The following LOXHD1 variants were observed in gnomAD, a reference collection of about 807,000 sequenced individuals.
The protein encoded by LOXHD1 is lipoxygenase homology PLAT domains 1, also known as lipoxygenase homology domain-containing protein 1.
A neutral mutation model predicts 248.2 loss-of-function variants in LOXHD1; 205 were observed. The ratio of observed to expected loss-of-function variants is 0.83; its 90% CI spans 0.74 to 0.93. The LOEUF (loss-of-function observed/expected upper bound fraction) is 0.93, where lower values mean the gene tolerates loss of function less well. Among genes scored for constraint, LOXHD1 ranks in the 40% least tolerant of loss-of-function variants. LOXHD1 has a pLI of 0.00. For synonymous variants in LOXHD1, 1,113 were observed against 1,162.8 expected (o/e 0.96, Z 0.87); for missense variants, 2,930 against 2,971.6 (o/e 0.99, Z 0.33).
In LOXHD1 at chr18:46,507,536, AC is replaced by A. The variant is rs1775139509; in HGVS notation, c.5692+1del. The A allele has an allele frequency of 6.4e-7, 1 of 1,551,550 alleles. No homozygotes were observed. On this transcript the variant is annotated splice_donor_variant, in intron 36 of 40. Coordinates refer to ENST00000642948, the MANE Select transcript of LOXHD1 (RefSeq NM_001384474.1). LOFTEE classifies it high-confidence loss of function. ...GGGAGGTGTGAGGGACCCCCGACCC[AC>A]CCAGGATGTCGCTGGTCTTAACTGC...
chr18:46,599,897 A>T (rs2038309614), intron 8 of LOXHD1, among the ~76,000 whole-genome samples: 1 of 152,238 alleles, frequency 6.6e-6, no homozygotes, highest in Non-Finnish European at 1.5e-5. Flanking sequence ...GGTGAAAATT[A>T]AAAATTCAGA....
chr18:46,563,820 C>T (rs962733129), intron 17 of LOXHD1, among the ~76,000 whole-genome samples: 11 of 152,016 alleles, frequency 7.2e-5, no homozygotes, highest in Admixed American at 6.5e-4. Context: ...CACAGAGAGA[C>T]ACCAGGGATG....
chr18:46,597,512 T>G (rs1452363559), intron 8 of LOXHD1, among the ~76,000 whole-genome samples: 1 of 149,640 alleles, frequency 6.7e-6, no homozygotes, highest in Non-Finnish European at 1.5e-5. Context: ...ATCTACCACC[T>G]TAGTGGTATA....
chr18:46,581,425 T>C (rs775047463), intron 12 of LOXHD1, among the ~76,000 whole-genome samples: 1 of 152,006 alleles, frequency 6.6e-6, no homozygotes. Flanking sequence ...GGGGGAAGGA[T>C]AGGTTTGGAG....
intron 21 of LOXHD1, among the ~76,000 whole-genome samples, chr18:46,552,404 T>C (rs1054454818): frequency 2.0e-5 from 3 of 152,206 alleles, no homozygotes; most frequent in South Asian, 2.1e-4. Flanking sequence ...GCATTTTCTT[T>C]TTGGCAATTG....
intron 4 of LOXHD1, among the ~76,000 whole-genome samples, chr18:46,628,700 GAAGA>G (rs1334073748): frequency 6.6e-6 from 1 of 152,188 alleles, no homozygotes; most frequent in African/African-American, 2.4e-5. Context: ...TGTGGGGGAA[GAAGA>G]AAGGGAAACA....
chr18:46,591,682 G>A (rs555644696), intron 12 of LOXHD1, among the ~76,000 whole-genome samples: 1 of 152,322 alleles, frequency 6.6e-6, no homozygotes, highest in African/African-American at 2.4e-5. Context: ...CATCCCCTCA[G>A]AGCCAACCTG....
intron 24 of LOXHD1, 148 bp downstream of exon 24, chr18:46,542,579 G>T: frequency 1.1e-6 from 1 of 939,184 alleles, no homozygotes. Flanking sequence ...GACTCTCTCG[G>T]CTCTACTGGG....
chr18:46,477,483 GGAAGA>G lies in LOXHD1; in HGVS notation c.6806_6810del (p.Leu2269ProfsTer7), dbSNP rs894608840. On this transcript the variant is annotated frameshift_variant, in exon 41 of 41. Transcript: ENST00000642948. LOFTEE classifies it high-confidence loss of function. Reference sequence around the variant, plus strand: ...GGGGCCCTAGCCCCTCAGACAGAAGGGAAGAGGTCTCTCCAGGTGAGTCCATCCCC... The same window carrying G: ...GGGGCCCTAGCCCCTCAGACAGAAGGGGTCTCTCCAGGTGAGTCCATCCCC... 1 of 1,545,934 alleles carries G rather than the reference GGAAGA, an allele frequency of 6.5e-7. No individual in the cohort carries two copies. The highest frequency in any genetic ancestry group is 1.4e-5 in the African/African-American group (1 of 72,966).
Position 46,487,267 on chromosome 18 carries a change from C to T in LOXHD1, c.6049+1705G>A, listed in dbSNP as rs115538930. 3.6e-3 allele frequency among the ~76,000 whole-genome samples: 544 copies of T among 152,318 alleles called. 2 individuals are homozygous for T. The highest frequency in any genetic ancestry group is 0.013 in the African/African-American group (528 of 41,564). ...GACAGGAGAGGAGCGAACAGATCCCCATTGAAATCTTGCCTTCATCCTGGG... is the reference window on the plus strand; with the variant it reads ...GACAGGAGAGGAGCGAACAGATCCCTATTGAAATCTTGCCTTCATCCTGGG... On this transcript the variant is annotated intron_variant, in intron 38 of 40. Transcript: ENST00000642948.
At chr18:46,525,471 G>A (rs1327226207) in intron 29 of LOXHD1, among the ~76,000 whole-genome samples, 1 of 152,130 alleles carries the variant, frequency 6.6e-6, no homozygotes, top group Non-Finnish European at 1.5e-5. Flanking sequence ...TCTGGGGGAG[G>A]AAAGGCTGTG....
intron 32 of LOXHD1, 106 bp from the exon 33 acceptor site, chr18:46,521,388 T>C: frequency 1.6e-6 from 2 of 1,286,900 alleles, no homozygotes; most frequent in Non-Finnish European, 2.2e-6. Context: ...TGCTGTGCAC[T>C]TGCTGGCCCA....
chr18:46,524,983 C>A, intron 29 of LOXHD1, 66 bp from the exon 30 acceptor site: 1 of 1,519,432 alleles, frequency 6.6e-7, no homozygotes, highest in Non-Finnish European at 8.9e-7. Context: ...TCCAGCCCCA[C>A]CCTTCTGGGA....
At chr18:46,587,299 A>G (rs1416482896) in intron 12 of LOXHD1, among the ~76,000 whole-genome samples, 1 of 152,232 alleles carries the variant, frequency 6.6e-6, no homozygotes, top group Non-Finnish European at 1.5e-5. Flanking sequence ...AACATGACAC[A>G]GCAGGGAAGG....
chr18:46,549,309 G>A (rs930360287), intron 21 of LOXHD1, among the ~76,000 whole-genome samples: 5 of 152,036 alleles, frequency 3.3e-5, no homozygotes, highest in Admixed American at 6.6e-5. Flanking sequence ...CCAAAAGCTC[G>A]AAACTGTTAA....
At chr18:46,477,049 A>G (rs2032062638), downstream of LOXHD1, 3 of 657,958 alleles carry the variant, frequency 4.6e-6, no homozygotes, top group African/African-American at 3.6e-5. Context: ...TGAGTTCTTT[A>G]TAGGATATGG....
chr18:46,492,108 AT>A (rs71822034), intron 37 of LOXHD1, among the ~76,000 whole-genome samples: 52,266 of 152,062 alleles, frequency 0.34, 9,524 homozygotes, highest in East Asian at 0.7. Flanking sequence ...ACATGCAACT[AT>A]GAAACATCTG....
At chr18:46,545,564 A>G (rs2036767126) in intron 22 of LOXHD1, 143 bp from the exon 23 acceptor site, 2 of 648,002 alleles carry the variant, frequency 3.1e-6, no homozygotes, top group African/African-American at 1.8e-5. Context: ...TGCCCCTTCA[A>G]TCCTGTATCT....
At chr18:46,627,722 T>A (rs1336881322) in intron 4 of LOXHD1, among the ~76,000 whole-genome samples, 2 of 152,090 alleles carry the variant, frequency 1.3e-5, no homozygotes, top group African/African-American at 4.8e-5. Flanking sequence ...CACTGAGCCA[T>A]CAGAGCTCAT....
Sources: allele counts gnomAD v4.1 joint callset (sites outside exome capture counted in the v4.1 genomes callset), GRCh38; gene constraint gnomAD v4.1.1; transcripts MANE v1.5; gene names NCBI Gene and HGNC (gene_info 2026-07-23, HGNC 2026-07-21).